FAM114A2: variants seen among roughly 807,000 people sequenced by gnomAD.
FAM114A2 encodes the protein family with sequence similarity 114 member A2, also known as protein FAM114A2.
A neutral mutation model predicts 58.4 loss-of-function variants in FAM114A2; 53 were observed. That is an observed-to-expected ratio of 0.91 (90% confidence interval 0.73 to 1.14). The LOEUF (loss-of-function observed/expected upper bound fraction) is 1.14. FAM114A2 is among the 50% of genes most tolerant of loss of function. The pLI is 0.00. For missense variants in FAM114A2, 601 were observed against 581.1 expected, an observed-to-expected ratio of 1.03 and a Z score of -0.35; for synonymous variants, 228 against 211.4, an observed-to-expected ratio of 1.08 and a Z score of -0.68.
chr5:154,021,571 G>T (rs191588280), intron 8 of FAM114A2, among the ~76,000 whole-genome samples: 4 of 152,024 alleles, frequency 2.6e-5, no homozygotes, highest in Non-Finnish European at 5.9e-5. Flanking sequence ...AATAAAATAC[G>T]TAAGAATCCA....
At chr5:154,033,145 G>A (rs1002608028) in intron 4 of FAM114A2, among the ~76,000 whole-genome samples, 3 of 152,134 alleles carry the variant, frequency 2.0e-5, no homozygotes, top group South Asian at 2.1e-4. Flanking sequence ...AATAAGCAGC[G>A]AAAGTCAGTC....
Position 153,992,867 on chromosome 5 carries a change from G to T in FAM114A2, c.*109C>A. 3.0e-6 allele frequency: 3 copies of T among 997,500 alleles called. No individual in the cohort carries two copies. Among genetic ancestry groups the T allele is most frequent in the Non-Finnish European group, 4.4e-6 (3 of 688,870 alleles). The allele number at this position is 997,500 out of a possible 1,614,324, so 61.8% of individuals were successfully genotyped here. A position where few individuals can be genotyped will look rare whatever the true frequency, so the allele number is the denominator to read the frequency against. On this transcript the variant is annotated 3_prime_UTR_variant, in exon 14 of 14. Transcript: ENST00000351797. ...CCTCTTTAAACCATCTCTCCTGCCT[G>T]AATTTTTATATACTAAAATAACCCC... is the stretch of plus-strand genomic sequence containing the variant.
At chr5:154,036,718 G>A (rs1391971989) in intron 1 of FAM114A2, 1 of 152,042 alleles carries the variant, frequency 6.6e-6, no homozygotes, top group East Asian at 1.9e-4. Context: ...CATGAACAAA[G>A]TACCTGAAAT....
intron 8 of FAM114A2, among the ~76,000 whole-genome samples, chr5:154,015,270 C>CA (rs1353328348): frequency 1.3e-5 from 2 of 152,144 alleles, no homozygotes; most frequent in African/African-American, 4.8e-5. Flanking sequence ...TCCATACTAC[C>CA]ACAGCTGATG....
Position 154,029,487 on chromosome 5 carries a change from A to G in FAM114A2, c.495+2T>C. 1 of 1,561,742 alleles carries G rather than the reference A, an allele frequency of 6.4e-7. No individual in the cohort carries two copies. The highest frequency in any genetic ancestry group is 8.8e-7 in the Non-Finnish European group (1 of 1,133,572). ...CAGACCACCTTGCACTTTTTTACTTACTGTGCTCTGAACAGCAGTAGAGAT... is the reference window on the plus strand; with the variant it reads ...CAGACCACCTTGCACTTTTTTACTTGCTGTGCTCTGAACAGCAGTAGAGAT... On this transcript the variant is annotated splice_donor_variant, in intron 5 of 13. Transcript: ENST00000351797. LOFTEE classifies it high-confidence loss of function.
chr5:153,994,580 A>T (rs1769438393), intron 13 of FAM114A2: 1 of 181,578 alleles, frequency 5.5e-6, no homozygotes, highest in African/African-American at 2.3e-5. Flanking sequence ...TAAATTAGGA[A>T]GCAGTGCTTA....
Position 154,029,541 on chromosome 5 carries a change from A to G in FAM114A2, c.443T>C (p.Val148Ala), listed in dbSNP as rs1772035146. 6.2e-7 allele frequency: 1 copy of G among 1,610,764 alleles called. No homozygotes were observed. The highest frequency in any genetic ancestry group is 1.3e-5 in the African/African-American group (1 of 74,964). Residue 148 changes from valine (V) to alanine (A), a missense_variant, in exon 5 of 14, where the codon GTG becomes GCG. Val to Ala is a moderately conservative substitution (Grantham distance 64). Transcript: ENST00000351797. Reference sequence around the variant, plus strand: ...AGAGAATACACCAAATGCCCCAGCCACTGGGGAGGAGTTTTCATTCTCTTT... The same window carrying G: ...AGAGAATACACCAAATGCCCCAGCCGCTGGGGAGGAGTTTTCATTCTCTTT... ...NAKENENSSP[V>A]AGAFGVFSTI...
At chr5:153,994,799 A>G in intron 13 of FAM114A2, 120 bp downstream of exon 13, 1 of 662,212 alleles carries the variant, frequency 1.5e-6, no homozygotes, top group South Asian at 1.8e-5. Context: ...TCATATCTAC[A>G]TCAATATGGC....
chr5:153,995,608 C>T (rs1304010486), intron 12 of FAM114A2, among the ~76,000 whole-genome samples: 2 of 152,108 alleles, frequency 1.3e-5, no homozygotes, highest in African/African-American at 4.8e-5. Flanking sequence ...ATGACTAGGG[C>T]TTTAAAATAA....
At chr5:154,006,459 C>T (rs931767179) in intron 9 of FAM114A2, among the ~76,000 whole-genome samples, 2 of 151,964 alleles carry the variant, frequency 1.3e-5, no homozygotes, top group African/African-American at 4.8e-5. Flanking sequence ...AATAGTTAGG[C>T]AAAGAGAGTT....
rs539959244 is a variant in FAM114A2, at chr5:153,991,939, C to A, written c.*1037G>T. On this transcript the variant is annotated 3_prime_UTR_variant, in exon 14 of 14. Coordinates refer to ENST00000351797, the MANE Select transcript of FAM114A2 (RefSeq NM_018691.4). ...TAGTCTCTTAAATTGCTGAAGAGAG[C>A]AAAAGAAAGCTTAAGATCTGGAGGA... The A allele has an allele frequency of 8.6e-5, 13 of 151,766 alleles. No individual in the cohort carries two copies. Among genetic ancestry groups the A allele is most frequent in the African/African-American group, 3.1e-4 (13 of 41,376 alleles). 9.4% of individuals were successfully genotyped at this position (151,766 alleles called of 1,614,324 possible).
chr5:154,011,470 C>T (rs1413058987), intron 8 of FAM114A2, 150 bp from the exon 9 acceptor site: 7 of 577,378 alleles, frequency 1.2e-5, no homozygotes, highest in Non-Finnish European at 2.2e-5. Context: ...GAGCATGGTG[C>T]TTTAGTGCTT....
At chr5:153,999,018 T>C (rs945183866) in intron 11 of FAM114A2, among the ~76,000 whole-genome samples, 2 of 152,150 alleles carry the variant, frequency 1.3e-5, no homozygotes. Flanking sequence ...GAGAAAGAAA[T>C]CATGCTAGTT....
At chr5:154,013,566 C>T (rs1770836833) in intron 8 of FAM114A2, among the ~76,000 whole-genome samples, 2 of 152,148 alleles carry the variant, frequency 1.3e-5, no homozygotes, top group South Asian at 4.2e-4. Context: ...AAAAAAATAT[C>T]ATAGACACAA....
In FAM114A2 at chr5:153,991,703, T is replaced by G. The variant is rs569332277; in HGVS notation, c.*1273A>C. The stretch of plus-strand genomic sequence containing the variant: ...GGCTTTGCTTTGCTATTTTTTTTTT[T>G]TTTTTTTGGTCTAAGTAAGATATTA... On this transcript the variant is annotated 3_prime_UTR_variant, in exon 14 of 14. Coordinates refer to ENST00000351797, the MANE Select transcript of FAM114A2 (RefSeq NM_018691.4). 5 of 151,892 alleles carry G rather than the reference T, an allele frequency of 3.3e-5. No homozygotes were observed. The Middle Eastern group carries it at 0.01, about 310-fold the overall frequency. 9.4% of individuals were successfully genotyped at this position (151,892 alleles called of 1,614,324 possible). A position where few individuals can be genotyped will look rare whatever the true frequency, so the allele number is the denominator to read the frequency against.
chr5:154,022,235 C>T (rs1020564047), intron 8 of FAM114A2, among the ~76,000 whole-genome samples: 1 of 152,164 alleles, frequency 6.6e-6, no homozygotes, highest in Non-Finnish European at 1.5e-5. Flanking sequence ...GCAAGGACTT[C>T]ATGACTAAAA....
chr5:154,005,111 A>G (rs910358993), intron 9 of FAM114A2, among the ~76,000 whole-genome samples: 26 of 152,214 alleles, frequency 1.7e-4, no homozygotes, highest in African/African-American at 5.8e-4. Context: ...TAACTAAACT[A>G]TGTATTATAG....
chr5:153,992,795 C>T lies in FAM114A2; in HGVS notation c.*181G>A. The T allele has an allele frequency of 2.3e-6, 1 of 432,212 alleles. No homozygotes were observed. Among genetic ancestry groups the T allele is most frequent in the Admixed American group, 4.0e-5 (1 of 25,134 alleles). 26.8% of individuals were successfully genotyped at this position (432,212 alleles called of 1,614,324 possible). A position where few individuals can be genotyped will look rare whatever the true frequency, so the allele number is the denominator to read the frequency against. On this transcript the variant is annotated 3_prime_UTR_variant, in exon 14 of 14. Coordinates refer to ENST00000351797, the MANE Select transcript of FAM114A2 (RefSeq NM_018691.4). ...TGAATTACAACAACTGGAAAGAATA[C>T]TGTGAGAACCTGAATACTTCAATCA...
At chr5:154,034,718 C>T (rs1287727526) in intron 2 of FAM114A2, 26 bp downstream of exon 2, 7 of 1,495,112 alleles carry the variant, frequency 4.7e-6, no homozygotes, top group Non-Finnish European at 6.5e-6. Context: ...TAATAGATAC[C>T]CTACTTTTTC....
Sources: gnomAD v4.1 joint callset for allele counts (sites outside exome capture counted in the v4.1 genomes callset) on GRCh38, gnomAD v4.1.1 for gene constraint, MANE v1.5 for transcripts, NCBI Gene and HGNC (gene_info 2026-07-23, HGNC 2026-07-21) for gene names.